The following VAV2 variants were observed in gnomAD, a reference collection of about 807,000 sequenced individuals.
The protein encoded by VAV2 is vav guanine nucleotide exchange factor 2, also known as guanine nucleotide exchange factor VAV2.
A neutral mutation model predicts 132.5 loss-of-function variants in VAV2; 67 were observed. That is an observed-to-expected ratio of 0.51 (90% CI 0.42 to 0.62). The LOEUF is 0.62. Among genes scored for constraint, VAV2 ranks in the 20% least tolerant of loss-of-function variants. VAV2 has a pLI of 0.00. For synonymous variants in VAV2, 492 were observed against 443.5 expected (o/e 1.11, Z -1.37); for missense variants, 938 against 1,153.6 (o/e 0.81, Z 2.71).
chr9:133,822,415 G>A (rs113864478), intron 4 of VAV2, among the ~76,000 whole-genome samples: 4,359 of 152,262 alleles, frequency 0.029, 125 homozygotes, highest in African/African-American at 0.079. Flanking sequence ...GAGAGAAGGC[G>A]CATCGAGCCT....
At position 133,791,861 on chromosome 9, in the gene VAV2, C is replaced by A; in HGVS notation, c.1110G>T (p.Ala370=). 2 of 1,603,476 alleles carry A rather than the reference C, an allele frequency of 1.2e-6. No individual in the cohort carries two copies. The highest frequency in any genetic ancestry group is 1.1e-5 in the South Asian group (1 of 90,636). The change falls in exon 13 of 30, where the codon GCG becomes GCT. Residue 370 remains alanine (A), a synonymous_variant. Transcript: ENST00000371850. ...KEALEAMQDL[A]MYINEVKRDK... is the part of the protein sequence containing the mutation. The stretch of plus-strand genomic sequence containing the variant: ...CCCGTTTAACTTCATTGATGTACAT[C>A]GCCAAGTCCTTGAAAACAAGAGGCA...
chr9:133,896,860 C>T (rs959579769), intron 2 of VAV2, among the ~76,000 whole-genome samples: 7 of 152,158 alleles, frequency 4.6e-5, no homozygotes, highest in East Asian at 1.9e-4. Flanking sequence ...TTTGGGAGGC[C>T]GAGGCGGGCG....
chr9:133,946,916 C>T (rs1377359767), intron 1 of VAV2, among the ~76,000 whole-genome samples: 1 of 152,198 alleles, frequency 6.6e-6, no homozygotes, highest in Non-Finnish European at 1.5e-5. Context: ...ACGCCGTTTG[C>T]TCCCTCTGGG....
At chr9:133,850,015 G>T (rs950374564) in intron 3 of VAV2, among the ~76,000 whole-genome samples, 4 of 152,216 alleles carry the variant, frequency 2.6e-5, no homozygotes, top group African/African-American at 7.2e-5. Context: ...GCTTGTCTGG[G>T]ATCTAGATGG....
Position 133,989,761 on chromosome 9 carries a change from CCT to C in VAV2, c.204+2312_204+2313del, listed in dbSNP as rs200235185. ...GAGAAACGAAGTCTTTCTCCCAACC[CCT>C]GTGTGCAGCCAGATGCAGTAAAGTG... On this transcript the variant is annotated intron_variant, in intron 1 of 29. Transcript: ENST00000371850. 5.4e-4 allele frequency among the ~76,000 whole-genome samples: 83 copies of C among 152,350 alleles called. No homozygotes were observed. In the East Asian group the frequency reaches 0.015, roughly 27 times the overall value.
chr9:133,895,481 C>T (rs1442485732), intron 2 of VAV2, among the ~76,000 whole-genome samples: 1 of 152,222 alleles, frequency 6.6e-6, no homozygotes, highest in Non-Finnish European at 1.5e-5. Context: ...TGGACTATCA[C>T]GCCGACGTGA....
intron 1 of VAV2, among the ~76,000 whole-genome samples, chr9:133,979,024 G>A (rs1320824208): frequency 1.3e-5 from 2 of 152,220 alleles, no homozygotes; most frequent in Non-Finnish European, 1.5e-5. Flanking sequence ...TGACCCCAGT[G>A]TGAGAGCAGG....
At chr9:133,983,441 C>A (rs1009941652) in intron 1 of VAV2, among the ~76,000 whole-genome samples, 5 of 152,152 alleles carry the variant, frequency 3.3e-5, no homozygotes, top group Non-Finnish European at 7.3e-5. Context: ...TGCTCACCCA[C>A]GCCAGGCCCC....
At chr9:133,783,627 G>A in intron 18 of VAV2, 36 bp from the exon 19 acceptor site, 1 of 1,604,202 alleles carries the variant, frequency 6.2e-7, no homozygotes, top group South Asian at 1.1e-5. Context: ...GGTCGAGGCT[G>A]GGGTCGGCTC....
At chr9:133,816,482 T>C (rs939156344) in intron 4 of VAV2, among the ~76,000 whole-genome samples, 4 of 152,242 alleles carry the variant, frequency 2.6e-5, no homozygotes, top group Non-Finnish European at 2.9e-5. Context: ...TCTGATTTCA[T>C]CTCAAGTTAA....
In VAV2 at chr9:133,884,676, CA is replaced by C. The variant is rs375086960; in HGVS notation, c.322-23245del. On this transcript the variant is annotated intron_variant, in intron 2 of 29. Transcript: ENST00000371850. The surrounding 1 kb of genome is among the most constrained non-coding windows in gnomAD (Gnocchi z 5.3). ...ATAAGAAGCTTGCTAAAAAGAAAAACAAAAAAAAACACCTCTGGCTTTAAAA... is the reference window on the plus strand; with the variant it reads ...ATAAGAAGCTTGCTAAAAAGAAAAACAAAAAAAACACCTCTGGCTTTAAAA... Among the ~76,000 whole-genome samples, 1 of 149,750 alleles carries C rather than the reference CA, an allele frequency of 6.7e-6. No individual in the cohort carries two copies. Among genetic ancestry groups the C allele is most frequent in the African/African-American group, 2.4e-5 (1 of 40,852 alleles).
chr9:133,925,144 C>A (rs1840428185), intron 2 of VAV2, among the ~76,000 whole-genome samples: 1 of 152,222 alleles, frequency 6.6e-6, no homozygotes, highest in Admixed American at 6.5e-5. Context: ...TTGTACAACA[C>A]TGGGAATCTG....
intron 2 of VAV2, among the ~76,000 whole-genome samples, chr9:133,867,300 C>T (rs1315087588): frequency 2.0e-5 from 3 of 152,324 alleles, no homozygotes; most frequent in Admixed American, 6.5e-5. Context: ...GTGGTGCGTG[C>T]GCAACTCTAG....
At chr9:133,981,726 T>C (rs900432441) in intron 1 of VAV2, among the ~76,000 whole-genome samples, 4 of 151,892 alleles carry the variant, frequency 2.6e-5, no homozygotes, top group African/African-American at 7.3e-5. Context: ...GCCAAGCGAG[T>C]GTGGTCCCCA....
In VAV2 at chr9:133,976,782, A is replaced by G. The variant is rs190062477; in HGVS notation, c.204+15293T>C. 5.2e-3 allele frequency among the ~76,000 whole-genome samples: 797 copies of G among 152,300 alleles called. 6 individuals carry two copies. The highest frequency in any genetic ancestry group is 0.018 in the African/African-American group (762 of 41,554). On this transcript the variant is annotated intron_variant, in intron 1 of 29. Coordinates refer to ENST00000371850, the MANE Select transcript of VAV2 (RefSeq NM_001134398.2). ...TCCCCGCCTTAGCATTCCATTTTCC[A>G]GGTTCATCCACAGATATTCTACTGC...
rs984840619 is a variant in VAV2, at chr9:133,918,199, G to T, written c.321+20904C>A. On this transcript the variant is annotated intron_variant, in intron 2 of 29. Coordinates refer to ENST00000371850, the MANE Select transcript of VAV2 (RefSeq NM_001134398.2). This position sits in a 1 kb window ranked among gnomAD's most constrained non-coding sequence, Gnocchi z 4.7. ...GGTTTCCTCCAGTGACATTAATAGG[G>T]AAACCGTCGGAAATGCTAAAGAGGA... is the stretch of plus-strand genomic sequence containing the variant. Among the ~76,000 whole-genome samples, 10 of 152,146 alleles carry T rather than the reference G, an allele frequency of 6.6e-5. No individual in the cohort carries two copies. The highest frequency in any genetic ancestry group is 2.2e-4 in the African/African-American group (9 of 41,418).
intron 4 of VAV2, among the ~76,000 whole-genome samples, chr9:133,829,441 G>C (rs1836178997): frequency 2.0e-5 from 3 of 152,226 alleles, no homozygotes; most frequent in Admixed American, 2.0e-4. Flanking sequence ...CCGGCACAGA[G>C]CCACTGGCCA....
chr9:133,855,502 TAA>T (rs1483631354), intron 3 of VAV2, among the ~76,000 whole-genome samples: 1 of 152,106 alleles, frequency 6.6e-6, no homozygotes, highest in Non-Finnish European at 1.5e-5. Context: ...GAGCAGAGGC[TAA>T]AAGGAAAGAA....
chr9:133,893,946 A>G (rs1235992704), intron 2 of VAV2, among the ~76,000 whole-genome samples: 1 of 152,152 alleles, frequency 6.6e-6, no homozygotes, highest in Non-Finnish European at 1.5e-5. Flanking sequence ...TTCTGTCGTA[A>G]TCTCCACCTT....
Sources: allele counts gnomAD v4.1 joint callset (sites outside exome capture counted in the v4.1 genomes callset), GRCh38; gene constraint gnomAD v4.1.1; non-coding constraint Gnocchi (gnomAD v3.1); transcripts MANE v1.5; gene names NCBI Gene and HGNC (gene_info 2026-07-23, HGNC 2026-07-21).